Variants in HHAT observed in about 807,000 individuals in gnomAD.
The protein encoded by HHAT is protein-cysteine N-palmitoyltransferase HHAT.
A neutral mutation model predicts 70.8 loss-of-function variants in HHAT; 47 were observed. That is an observed-to-expected ratio of 0.66 (90% CI 0.53 to 0.85). The LOEUF (loss-of-function observed/expected upper bound fraction) is 0.85. Among genes scored for constraint, HHAT ranks in the 40% least tolerant of loss-of-function variants. HHAT has a pLI of 0.00. For synonymous variants in HHAT, 228 were observed against 247.6 expected, an observed-to-expected ratio of 0.92 and a Z score of 0.74; for missense variants, 609 against 604.8, an observed-to-expected ratio of 1.01 and a Z score of -0.07.
intron 9 of HHAT, among the ~76,000 whole-genome samples, chr1:210,558,134 T>C (rs775639736): frequency 6.6e-6 from 1 of 152,198 alleles, no homozygotes; most frequent in Non-Finnish European, 1.5e-5. Flanking sequence ...CAGAGAGTTT[T>C]TCGTTACTCA....
chr1:210,348,050 A>G (rs1385066376), intron 1 of HHAT, among the ~76,000 whole-genome samples: 1 of 152,152 alleles, frequency 6.6e-6, no homozygotes, highest in Non-Finnish European at 1.5e-5. Flanking sequence ...TCTGTCACAG[A>G]TGTCTGTGAT....
At chr1:210,333,301 G>C (rs1263369575) in intron 1 of HHAT, among the ~76,000 whole-genome samples, 1 of 152,136 alleles carries the variant, frequency 6.6e-6, no homozygotes, top group Admixed American at 6.5e-5. Context: ...AGCATCACTT[G>C]TAGTCCCAAC....
chr1:210,528,127 A>G (rs1040845704), intron 9 of HHAT, among the ~76,000 whole-genome samples: 3 of 152,162 alleles, frequency 2.0e-5, no homozygotes, highest in African/African-American at 7.2e-5. Flanking sequence ...GATCATATGC[A>G]TATCTGCCTA....
chr1:210,390,222 T>C (rs1486993794), intron 4 of HHAT, among the ~76,000 whole-genome samples: 1 of 152,160 alleles, frequency 6.6e-6, no homozygotes, highest in African/African-American at 2.4e-5. Context: ...AGAGAGGCTC[T>C]TCTTAGCTAG....
At chr1:210,644,602 C>CAAA (rs57190952) in intron 11 of HHAT, among the ~76,000 whole-genome samples, 37 of 63,998 alleles carry the variant, frequency 5.8e-4, no homozygotes, top group South Asian at 1.2e-3. Flanking sequence ...GACTCCATCT[C>CAAA]AAAAAAAAAA....
At chr1:210,396,863 C>T (rs1474140065) in intron 4 of HHAT, among the ~76,000 whole-genome samples, 1 of 152,086 alleles carries the variant, frequency 6.6e-6, no homozygotes, top group Non-Finnish European at 1.5e-5. Context: ...TACTGGTTGT[C>T]AGGATTAGGG....
At chr1:210,487,388 T>C (rs1359578492) in intron 8 of HHAT, among the ~76,000 whole-genome samples, 1 of 152,180 alleles carries the variant, frequency 6.6e-6, no homozygotes, top group African/African-American at 2.4e-5. Context: ...CTACTTGAGC[T>C]TCTCCGTGGA....
intron 11 of HHAT, among the ~76,000 whole-genome samples, chr1:210,649,778 G>A (rs943068793): frequency 1.3e-5 from 2 of 152,276 alleles, no homozygotes; most frequent in Non-Finnish European, 2.9e-5. Context: ...TCATGCTACC[G>A]ACAGAGCCAA....
At chr1:210,531,984 C>T (rs546547206) in intron 9 of HHAT, among the ~76,000 whole-genome samples, 1 of 152,280 alleles carries the variant, frequency 6.6e-6, no homozygotes, top group South Asian at 2.1e-4. Context: ...AAGGTCCGAC[C>T]TTCAAAATGT....
intron 9 of HHAT, among the ~76,000 whole-genome samples, chr1:210,521,350 G>A (rs1360212315): frequency 2.0e-5 from 3 of 152,128 alleles, no homozygotes; most frequent in South Asian, 2.1e-4. Context: ...TGCAGTATGG[G>A]AGTTGGTGGC....
chr1:210,665,600 G>C (rs1029323024), intron 11 of HHAT, among the ~76,000 whole-genome samples: 1 of 152,216 alleles, frequency 6.6e-6, no homozygotes, highest in Admixed American at 6.5e-5. Context: ...TAGAAAACTT[G>C]CCTTGGTGGA....
intron 3 of HHAT, among the ~76,000 whole-genome samples, chr1:210,371,086 G>A (rs2089531176): frequency 6.6e-6 from 1 of 152,164 alleles, no homozygotes. Context: ...TAAAGAGCCG[G>A]CATTCTTTGT....
intron 7 of HHAT, among the ~76,000 whole-genome samples, chr1:210,448,695 A>T (rs1264713297): frequency 1.3e-5 from 2 of 152,162 alleles, no homozygotes; most frequent in Non-Finnish European, 2.9e-5. Context: ...ACTGTTTTTC[A>T]TTAAATTTTC....
At chr1:210,594,965 C>T (rs1662594746) in intron 10 of HHAT, among the ~76,000 whole-genome samples, 1 of 150,686 alleles carries the variant, frequency 6.6e-6, no homozygotes, top group African/African-American at 2.4e-5. Flanking sequence ...TTTTCAGATT[C>T]TTTTTTTTAA....
chr1:210,454,801 C>T (rs999985585), intron 7 of HHAT, among the ~76,000 whole-genome samples: 8 of 152,088 alleles, frequency 5.3e-5, no homozygotes, highest in African/African-American at 1.9e-4. Flanking sequence ...TGGTTTGAGC[C>T]CGTTAAGAAG....
intron 7 of HHAT, among the ~76,000 whole-genome samples, chr1:210,441,777 T>C (rs1008953525): frequency 3.4e-5 from 5 of 148,506 alleles, no homozygotes; most frequent in Non-Finnish European, 5.9e-5. Flanking sequence ...ACAATAAATA[T>C]ATATATAAAC....
intron 7 of HHAT, among the ~76,000 whole-genome samples, chr1:210,449,963 G>A (rs2093715549): frequency 1.3e-5 from 2 of 152,152 alleles, no homozygotes; most frequent in Admixed American, 1.3e-4. Flanking sequence ...GAATTCGGGG[G>A]AAATATCAAA....
intron 9 of HHAT, among the ~76,000 whole-genome samples, chr1:210,534,379 AT>A (rs199715965): frequency 6.6e-6 from 1 of 150,988 alleles, no homozygotes; most frequent in Non-Finnish European, 1.5e-5. Flanking sequence ...ATTTATACAT[AT>A]TTTTTTCCAT....
At chr1:210,502,905 G>A (rs1208808167) in intron 8 of HHAT, among the ~76,000 whole-genome samples, 3 of 151,680 alleles carry the variant, frequency 2.0e-5, no homozygotes, top group African/African-American at 7.3e-5. Flanking sequence ...CTTTCTTGCT[G>A]TCTATATACT....
Sources: gnomAD v4.1 joint callset for allele counts (sites outside exome capture counted in the v4.1 genomes callset) on GRCh38, gnomAD v4.1.1 for gene constraint, MANE v1.5 for transcripts, NCBI Gene and HGNC (gene_info 2026-07-23, HGNC 2026-07-21) for gene names.